The following N4BP2L2 variants were observed in gnomAD, a reference collection of about 807,000 sequenced individuals.
N4BP2L2 encodes NEDD4-binding protein 2-like 2.
A neutral mutation model predicts 56.2 loss-of-function variants in N4BP2L2; 50 were observed. That is an observed-to-expected ratio of 0.89 (90% confidence interval 0.71 to 1.13). The LOEUF (loss-of-function observed/expected upper bound fraction) is 1.13. N4BP2L2 is among the 50% of genes most tolerant of loss of function. N4BP2L2 has a pLI of 0.00. For synonymous variants in N4BP2L2, 203 were observed against 223.6 expected (o/e 0.91, Z 0.82); for missense variants, 689 against 693.8 (o/e 0.99, Z 0.08).
chr13:32,538,490 C>G, intron 1 of N4BP2L2, 128 bp downstream of exon 1: 1 of 499,986 alleles, frequency 2.0e-6, no homozygotes, highest in Middle Eastern at 1.0e-3. Flanking sequence ...CTGGAGGTCT[C>G]TGAGGCGCAA....
intron 6 of N4BP2L2, among the ~76,000 whole-genome samples, chr13:32,466,816 T>A (rs1359143982): frequency 1.3e-5 from 2 of 152,210 alleles, no homozygotes; most frequent in Non-Finnish European, 2.9e-5. Context: ...TATTAGTCTT[T>A]AACCAAATAG....
chr13:32,453,344 A>C (rs567051940), intron 6 of N4BP2L2, among the ~76,000 whole-genome samples: 23 of 152,234 alleles, frequency 1.5e-4, no homozygotes, highest in Non-Finnish European at 2.6e-4. Flanking sequence ...AACAGAAGTG[A>C]CTAAACAGGA....
At chr13:32,517,443 A>G (rs1566160156) in exon 6 of N4BP2L2, 1 of 997,592 alleles carries the variant, frequency 1.0e-6, no homozygotes, top group Non-Finnish European at 1.2e-6. Context: ...AGTTTTATGA[A>G]AAGTTAGATT....
At chr13:32,533,632 G>A (rs1022392779) in intron 2 of N4BP2L2, among the ~76,000 whole-genome samples, 3 of 150,962 alleles carry the variant, frequency 2.0e-5, no homozygotes, top group Non-Finnish European at 4.4e-5. Context: ...CAAGTAGCTG[G>A]GATACCCAGG....
At chr13:32,478,598 G>C (rs1242371563) in intron 6 of N4BP2L2, 1 of 153,348 alleles carries the variant, frequency 6.5e-6, no homozygotes, top group Non-Finnish European at 1.5e-5. Context: ...GAACCCTTAT[G>C]GGACGGCTCT....
intron 5 of N4BP2L2, among the ~76,000 whole-genome samples, chr13:32,519,197 A>G (rs1228058480): frequency 6.6e-6 from 1 of 151,692 alleles, no homozygotes; most frequent in African/African-American, 2.4e-5. Flanking sequence ...GCTTGGGCCC[A>G]GGAGTTCAAG....
intron 6 of N4BP2L2, among the ~76,000 whole-genome samples, chr13:32,448,318 A>G (rs1167104195): frequency 1.3e-5 from 2 of 152,178 alleles, no homozygotes; most frequent in African/African-American, 4.8e-5. Context: ...TGTGTCAAGG[A>G]TCATTAAATG....
At chr13:32,475,860 T>C (rs1198467331) in intron 6 of N4BP2L2, among the ~76,000 whole-genome samples, 1 of 151,964 alleles carries the variant, frequency 6.6e-6, no homozygotes, top group East Asian at 1.9e-4. Flanking sequence ...TGAAGACAGA[T>C]AAGAAAAATA....
Position 32,538,076 on chromosome 13 carries a change from G to GT in N4BP2L2, c.-1+541_-1+542insA, listed in dbSNP as rs923513849. ...ACAGAGGGAGACCCCGTCTTGGGGG[G>GT]GGGGGGCGGTTACTTCCCCTGAAAT... On this transcript the variant is annotated intron_variant, in intron 1 of 5. Coordinates refer to ENST00000267068, the Ensembl canonical transcript of N4BP2L2. Among the ~76,000 whole-genome samples the GT allele has an allele frequency of 4.0e-4, 55 of 138,780 alleles. 1 individual carries two copies. Among genetic ancestry groups the GT allele is most frequent in the Admixed American group, 1.8e-3 (26 of 14,078 alleles). The allele number at this position is 138,780 out of a possible 152,430, so 91.0% of individuals were successfully genotyped here. A position where few individuals can be genotyped will look rare whatever the true frequency, so the allele number is the denominator to read the frequency against.
At chr13:32,492,656 C>T (rs1271174402) in intron 6 of N4BP2L2, among the ~76,000 whole-genome samples, 1 of 152,012 alleles carries the variant, frequency 6.6e-6, no homozygotes, top group Non-Finnish European at 1.5e-5. Context: ...TTTGAGTTCT[C>T]AACATGTTGG....
At chr13:32,527,124 T>C (rs2053237272) in intron 3 of N4BP2L2, 1 of 237,302 alleles carries the variant, frequency 4.2e-6, no homozygotes, top group Admixed American at 5.3e-5. Context: ...ATAAAGCCTC[T>C]TAAAATATCC....
intron 3 of N4BP2L2, chr13:32,524,343 T>C (rs2140101058): frequency 6.6e-6 from 1 of 152,352 alleles, no homozygotes; most frequent in East Asian, 1.9e-4. Flanking sequence ...GAAAAGAAGT[T>C]TTATTGATCA....
At chr13:32,522,582 G>C (rs1404884874) in intron 3 of N4BP2L2, 1 of 181,090 alleles carries the variant, frequency 5.5e-6, no homozygotes, top group Non-Finnish European at 1.1e-5. Context: ...GGAAATATAA[G>C]AGATGAACAA....
intron 2 of N4BP2L2, among the ~76,000 whole-genome samples, chr13:32,534,407 T>C (rs1262513353): frequency 2.0e-5 from 3 of 152,154 alleles, no homozygotes; most frequent in Non-Finnish European, 4.4e-5. Context: ...AGTCAAGTGG[T>C]CCTAACTAGC....
At chr13:32,433,968 AG>A (rs1407526277) in intron 9 of N4BP2L2, among the ~76,000 whole-genome samples, 3 of 151,308 alleles carry the variant, frequency 2.0e-5, no homozygotes, top group Non-Finnish European at 4.4e-5. Flanking sequence ...AAAGAAAAAA[AG>A]AAAGGCAATG....
intron 6 of N4BP2L2, among the ~76,000 whole-genome samples, chr13:32,445,264 A>G (rs188041991): frequency 2.5e-3 from 379 of 152,304 alleles, no homozygotes; most frequent in Middle Eastern, 3.4e-3. Flanking sequence ...AAATAAATAA[A>G]TAAATAAATA....
At chr13:32,525,406 C>G (rs545277916) in intron 3 of N4BP2L2, 2 of 152,292 alleles carry the variant, frequency 1.3e-5, no homozygotes, top group East Asian at 1.9e-4. Flanking sequence ...TCTTGTGAAA[C>G]TATAAATTGT....
intron 6 of N4BP2L2, among the ~76,000 whole-genome samples, chr13:32,461,342 A>G (rs1223390579): frequency 6.6e-6 from 1 of 152,202 alleles, no homozygotes; most frequent in Non-Finnish European, 1.5e-5. Context: ...GATGAATGGA[A>G]GAAAATATTT....
chr13:32,495,341 T>C (rs1276174314), intron 6 of N4BP2L2, among the ~76,000 whole-genome samples: 1 of 152,178 alleles, frequency 6.6e-6, no homozygotes, highest in Non-Finnish European at 1.5e-5. Flanking sequence ...GGTTAAGGAC[T>C]GGCACCCTAA....
Sources: gnomAD v4.1 joint callset for allele counts (sites outside exome capture counted in the v4.1 genomes callset) on GRCh38, gnomAD v4.1.1 for gene constraint, MANE v1.5 for transcripts, NCBI Gene and HGNC (gene_info 2026-07-23, HGNC 2026-07-21) for gene names.